The following GSK3B variants were observed in gnomAD, a reference collection of about 807,000 sequenced individuals.
The protein encoded by GSK3B is glycogen synthase kinase 3 beta, also known as glycogen synthase kinase-3 beta.
Under a neutral mutation model 56.4 loss-of-function variants are expected in GSK3B, and 15 were observed. That is an observed-to-expected ratio of 0.27 (90% CI 0.18 to 0.41). GSK3B has a LOEUF of 0.41. Among genes scored for constraint, GSK3B ranks in the 10% least tolerant of loss-of-function variants. The probability of loss-of-function intolerance (pLI) is 1.00; values close to 1 mark genes in which losing one functional copy is unlikely to be tolerated. For synonymous variants in GSK3B, 181 were observed against 188.9 expected (o/e 0.96, Z 0.34); for missense variants, 300 against 513.4 (o/e 0.58, Z 4.02).
chr3:120,006,481 C>G (rs6796550), intron 1 of GSK3B, among the ~76,000 whole-genome samples: 9,420 of 152,080 alleles, frequency 0.062, 919 homozygotes, highest in African/African-American at 0.21. Flanking sequence ...GCACCACATC[C>G]CACTTATTCT....
intron 2 of GSK3B, among the ~76,000 whole-genome samples, chr3:119,969,501 T>C (rs550999155): frequency 7.9e-5 from 12 of 152,290 alleles, no homozygotes; most frequent in African/African-American, 2.6e-4. Context: ...AAACTGATTC[T>C]AAAATTTATA....
chr3:120,057,900 A>G (rs185771510), intron 1 of GSK3B, among the ~76,000 whole-genome samples: 14 of 152,208 alleles, frequency 9.2e-5, no homozygotes, highest in Admixed American at 7.8e-4. Context: ...TCAGAGAGTC[A>G]GAAGCCCAAA....
At chr3:119,828,099 G>C (rs1276966949) in intron 10 of GSK3B, among the ~76,000 whole-genome samples, 1 of 151,998 alleles carries the variant, frequency 6.6e-6, no homozygotes, top group Non-Finnish European at 1.5e-5. Flanking sequence ...CACCTACTAT[G>C]TCCCCACAAA....
At chr3:120,081,634 A>C (rs2107577441) in intron 1 of GSK3B, among the ~76,000 whole-genome samples, 1 of 152,338 alleles carries the variant, frequency 6.6e-6, no homozygotes, top group Non-Finnish European at 1.5e-5. Context: ...TAGCTTGGTG[A>C]CCTGTAAACT....
intron 7 of GSK3B, among the ~76,000 whole-genome samples, chr3:119,877,510 CT>C (rs2056328179): frequency 6.6e-6 from 1 of 152,030 alleles, no homozygotes; most frequent in South Asian, 2.1e-4. Context: ...TATTTTTGAT[CT>C]GCAGTCGGTT....
intron 6 of GSK3B, among the ~76,000 whole-genome samples, chr3:119,911,187 C>T (rs1016558001): frequency 3.0e-4 from 45 of 152,162 alleles, no homozygotes; most frequent in African/African-American, 1.1e-3. Context: ...GCAGCTATAG[C>T]CTTACAAATG....
At chr3:120,028,173 T>G (rs549860474) in intron 1 of GSK3B, among the ~76,000 whole-genome samples, 29 of 144,780 alleles carry the variant, frequency 2.0e-4, no homozygotes, top group Middle Eastern at 6.8e-3. Flanking sequence ...CTGACTGGGA[T>G]GTGTGTTTAA....
chr3:119,855,831 C>T (rs769850899), intron 9 of GSK3B, among the ~76,000 whole-genome samples: 22 of 132,384 alleles, frequency 1.7e-4, no homozygotes, highest in Admixed American at 4.8e-4. Flanking sequence ...GCCTGTCGTG[C>T]GGTGGGGGGA....
intron 1 of GSK3B, among the ~76,000 whole-genome samples, chr3:120,071,262 G>A (rs1030400220): frequency 2.0e-5 from 3 of 152,266 alleles, no homozygotes; most frequent in Middle Eastern, 3.4e-3. Context: ...GCTCCTCAGT[G>A]CTCATTTTTA....
At position 119,833,714 on chromosome 3, in the gene GSK3B, T is replaced by C. The variant is rs201212967; in HGVS notation, c.1196-6859A>G. 3.6e-3 allele frequency among the ~76,000 whole-genome samples: 527 copies of C among 147,136 alleles called. 1 individual carries two copies. The highest frequency in any genetic ancestry group is 5.8e-3 in the Non-Finnish European group (385 of 66,896). On this transcript the variant is annotated intron_variant, in intron 10 of 10. Coordinates refer to ENST00000264235, the MANE Select transcript of GSK3B (RefSeq NM_001146156.2). ...TGTTTTTTTTTTTTTTTTTTTTTTT[T>C]AGACAGGGTCTCACTCTGTCACCTA... is the stretch of plus-strand genomic sequence containing the variant.
In GSK3B at chr3:119,836,926, A is replaced by G. The variant is rs542898318; in HGVS notation, c.1195+6329T>C. Reference sequence around the variant, plus strand: ...AGGTAAAAAACTGACATGTTTGTGAAATGTACAGATGACATACAATTGGGT... The same window carrying G: ...AGGTAAAAAACTGACATGTTTGTGAGATGTACAGATGACATACAATTGGGT... On this transcript the variant is annotated intron_variant, in intron 10 of 10. Coordinates refer to ENST00000264235, the MANE Select transcript of GSK3B (RefSeq NM_001146156.2). Among the ~76,000 whole-genome samples the G allele has an allele frequency of 5.3e-5, 8 of 152,332 alleles. No individual in the cohort carries two copies. The South Asian group carries it at 1.7e-3, about 32-fold the overall frequency.
At chr3:119,912,042 C>T (rs1048382577) in intron 6 of GSK3B, among the ~76,000 whole-genome samples, 6 of 152,098 alleles carry the variant, frequency 3.9e-5, no homozygotes, top group African/African-American at 1.4e-4. Context: ...GGCACAATTT[C>T]GATATGCCTT....
chr3:119,937,821 TAA>T (rs555978373), intron 3 of GSK3B, among the ~76,000 whole-genome samples: 12 of 151,496 alleles, frequency 7.9e-5, no homozygotes, highest in Non-Finnish European at 7.4e-5. Flanking sequence ...TCAACAAAAC[TAA>T]AAGTTTTTTT....
chr3:120,039,721 G>C (rs926595168), intron 1 of GSK3B, among the ~76,000 whole-genome samples: 1 of 152,210 alleles, frequency 6.6e-6, no homozygotes, highest in Non-Finnish European at 1.5e-5. Flanking sequence ...CCATGCGGGA[G>C]TGACACAGAG....
At position 119,824,218 on chromosome 3, in the gene GSK3B, C is replaced by A. The variant is rs2055462119; in HGVS notation, c.*2570G>T. ...GTACAAGCTTGAATTTGGTGAGGAG[C>A]TTTTTATTATTATTATATACAAAAA... On this transcript the variant is annotated 3_prime_UTR_variant, in exon 11 of 11. Coordinates refer to ENST00000264235, the MANE Select transcript of GSK3B (RefSeq NM_001146156.2). The A allele has an allele frequency of 4.7e-6, 1 of 211,216 alleles. No individual in the cohort carries two copies. The allele number at this position is 211,216 out of a possible 1,614,324, so 13.1% of individuals were successfully genotyped here. A position where few individuals can be genotyped will look rare whatever the true frequency, so the allele number is the denominator to read the frequency against.
chr3:119,864,163 T>C (rs1440852353), intron 8 of GSK3B, among the ~76,000 whole-genome samples: 3 of 152,226 alleles, frequency 2.0e-5, no homozygotes, highest in African/African-American at 7.2e-5. Context: ...TTTGATAAAA[T>C]GTCCTGCATT....
At chr3:120,001,457 C>T (rs1412361472) in intron 2 of GSK3B, among the ~76,000 whole-genome samples, 2 of 152,206 alleles carry the variant, frequency 1.3e-5, no homozygotes, top group African/African-American at 2.4e-5. Flanking sequence ...TGCACCTACT[C>T]GCCCTTCACC....
intron 1 of GSK3B, among the ~76,000 whole-genome samples, chr3:120,084,990 C>T (rs947760689): frequency 1.6e-4 from 24 of 151,976 alleles, no homozygotes; most frequent in Non-Finnish European, 2.6e-4. Context: ...ATCATTAATC[C>T]GTAAAGATTC....
intron 2 of GSK3B, among the ~76,000 whole-genome samples, chr3:119,967,765 T>C (rs1162369586): frequency 1.3e-5 from 2 of 151,080 alleles, no homozygotes; most frequent in Admixed American, 1.3e-4. Context: ...CCCCTCCTTT[T>C]CTTTTCTTTC....
Sources: allele counts gnomAD v4.1 joint callset (sites outside exome capture counted in the v4.1 genomes callset), GRCh38; gene constraint gnomAD v4.1.1; transcripts MANE v1.5; gene names NCBI Gene and HGNC (gene_info 2026-07-23, HGNC 2026-07-21).